GTF2F2: variants seen among roughly 807,000 people sequenced by gnomAD.
GTF2F2 encodes ATP-dependent helicase GTF2F2.
In GTF2F2, 23 loss-of-function variants were observed where a neutral mutation model predicts 42.2. That is an observed-to-expected ratio of 0.55 (90% CI 0.39 to 0.77). GTF2F2 has a LOEUF of 0.77. Ranked by LOEUF, GTF2F2 falls within the 30% of genes least tolerant of loss-of-function variation. The pLI is 0.00. For synonymous variants in GTF2F2, 105 were observed against 100.8 expected (o/e 1.04, Z -0.25); for missense variants, 261 against 287.2 (o/e 0.91, Z 0.66).
chr13:45,146,744 G>A (rs377150135), intron 2 of GTF2F2, among the ~76,000 whole-genome samples: 2 of 152,188 alleles, frequency 1.3e-5, no homozygotes, highest in Non-Finnish European at 2.9e-5. Context: ...TAGACTCAGA[G>A]TAGTAAAGGA....
intron 7 of GTF2F2, among the ~76,000 whole-genome samples, chr13:45,279,762 A>G (rs1877183827): frequency 6.6e-6 from 1 of 152,100 alleles, no homozygotes; most frequent in South Asian, 2.1e-4. Context: ...AAAATTAGCC[A>G]GGCGTGGTGT....
chr13:45,141,638 G>T, intron 2 of GTF2F2, among the ~76,000 whole-genome samples: 1 of 152,134 alleles, frequency 6.6e-6, no homozygotes, highest in East Asian at 1.9e-4. Context: ...TCCAACCAAA[G>T]TTCCTTACAA....
At chr13:45,136,844 A>G in intron 2 of GTF2F2, 38 bp downstream of exon 2, 2 of 1,089,210 alleles carry the variant, frequency 1.8e-6, no homozygotes, top group Non-Finnish European at 2.8e-6. Flanking sequence ...TTAAAAAGCT[A>G]TTTTTGAAAT....
chr13:45,284,665 G>A lies in GTF2F2; in HGVS notation c.*1104G>A, dbSNP rs1428471996. On this transcript the variant is annotated 3_prime_UTR_variant, in exon 8 of 8. Coordinates refer to ENST00000340473, the MANE Select transcript of GTF2F2 (RefSeq NM_004128.3). ...AGTAGCAAATGCCCAAGTTGCCATA[G>A]TGTTTGCAGGAAAAAAAGAGAAAAA... 1.3e-5 allele frequency: 2 copies of A among 152,010 alleles called. No homozygotes were observed. Among genetic ancestry groups the A allele is most frequent in the African/African-American group, 4.8e-5 (2 of 41,376 alleles). 9.4% of individuals were successfully genotyped at this position (152,010 alleles called of 1,614,324 possible).
intron 5 of GTF2F2, among the ~76,000 whole-genome samples, chr13:45,210,587 G>A (rs1316377629): frequency 2.6e-5 from 4 of 152,046 alleles, no homozygotes; most frequent in South Asian, 2.1e-4. Context: ...TGAAAACAAA[G>A]TTTGTTTTTT....
At chr13:45,149,689 T>G (rs543217699) in intron 2 of GTF2F2, 81 bp from the exon 3 acceptor site, 67 of 1,253,090 alleles carry the variant, frequency 5.3e-5, no homozygotes, top group African/African-American at 9.1e-5. Flanking sequence ...AAATATGAAG[T>G]TTTTTTTTAA....
At chr13:45,235,757 T>C (rs1029975636) in intron 5 of GTF2F2, among the ~76,000 whole-genome samples, 2 of 151,914 alleles carry the variant, frequency 1.3e-5, no homozygotes, top group Admixed American at 6.6e-5. Flanking sequence ...ACCTGGCTTT[T>C]ATTTTTTTTT....
At chr13:45,166,377 C>T (rs1029888739) in intron 4 of GTF2F2, among the ~76,000 whole-genome samples, 4 of 152,162 alleles carry the variant, frequency 2.6e-5, no homozygotes, top group South Asian at 2.1e-4. Flanking sequence ...AGATGCACTT[C>T]GTCAAGTCAT....
At position 45,267,262 on chromosome 13, in the gene GTF2F2, C is replaced by A. The variant is rs201450179; in HGVS notation, c.516C>A (p.Asp172Glu). 6.2e-7 allele frequency: 1 copy of A among 1,612,392 alleles called. No homozygotes were observed. The highest frequency in any genetic ancestry group is 1.3e-5 in the African/African-American group (1 of 74,814). The change falls in exon 7 of 8, where the codon GAC (aspartate) becomes GAA (glutamate). Residue 172 changes from aspartate to glutamate, a missense_variant. Transcript: ENST00000340473. ...NIEYERKKKE[D>E]GKRARADKQH... ...AATATGAAAGGAAAAAGAAAGAAGA[C>A]GGAAAGCGAGCTCGAGCTGATAAAC...
At chr13:45,205,756 G>A (rs1873387447) in intron 4 of GTF2F2, among the ~76,000 whole-genome samples, 2 of 152,152 alleles carry the variant, frequency 1.3e-5, no homozygotes, top group Admixed American at 1.3e-4. Context: ...CTGACCTCAT[G>A]ATCTGCCTGC....
At chr13:45,124,040 A>G in intron 1 of GTF2F2, 1 of 1,145,428 alleles carries the variant, frequency 8.7e-7, no homozygotes, top group Non-Finnish European at 1.3e-6. Context: ...GTGGGCCATG[A>G]GGTCCCCCAC....
intron 7 of GTF2F2, among the ~76,000 whole-genome samples, chr13:45,276,278 G>A (rs1335628865): frequency 6.6e-6 from 1 of 152,134 alleles, no homozygotes; most frequent in East Asian, 1.9e-4. Flanking sequence ...GTACATTTGG[G>A]TTGGACATTT....
At chr13:45,243,631 A>T (rs868029309) in intron 5 of GTF2F2, among the ~76,000 whole-genome samples, 3 of 151,818 alleles carry the variant, frequency 2.0e-5, no homozygotes, top group Admixed American at 6.6e-5. Context: ...GTTTTTTTTT[A>T]AATCCATTTT....
At chr13:45,123,581 A>C (rs1057070406) in intron 1 of GTF2F2, among the ~76,000 whole-genome samples, 1 of 151,544 alleles carries the variant, frequency 6.6e-6, no homozygotes, top group Non-Finnish European at 1.5e-5. Context: ...GTGAGCTGAG[A>C]TCACACCCCT....
chr13:45,227,888 G>C (rs577930476), intron 5 of GTF2F2, among the ~76,000 whole-genome samples: 134 of 152,260 alleles, frequency 8.8e-4, no homozygotes, highest in African/African-American at 3.0e-3. Context: ...TTTCTGGGGA[G>C]GTGATGGCCC....
chr13:45,128,678 C>T (rs886180121), intron 1 of GTF2F2, among the ~76,000 whole-genome samples: 2 of 151,932 alleles, frequency 1.3e-5, no homozygotes, highest in Admixed American at 6.6e-5. Context: ...ACTGTAGCCT[C>T]CAACTCCTGG....
chr13:45,137,978 A>G (rs1869718265), intron 2 of GTF2F2, among the ~76,000 whole-genome samples: 1 of 152,162 alleles, frequency 6.6e-6, no homozygotes, highest in African/African-American at 2.4e-5. Flanking sequence ...GTTCCTTTTC[A>G]TAATCGGCCA....
intron 4 of GTF2F2, among the ~76,000 whole-genome samples, chr13:45,189,146 T>G (rs553772311): frequency 6.6e-6 from 1 of 152,296 alleles, no homozygotes; most frequent in African/African-American, 2.4e-5. Context: ...AGTGAGAACA[T>G]GTGGTGTTTG....
intron 5 of GTF2F2, among the ~76,000 whole-genome samples, chr13:45,240,034 G>C (rs962549820): frequency 6.7e-6 from 1 of 150,222 alleles, no homozygotes; most frequent in Non-Finnish European, 1.5e-5. Flanking sequence ...GAGCTATTAG[G>C]TTGAATCTTA....
Sources: gnomAD v4.1 joint callset for allele counts (sites outside exome capture counted in the v4.1 genomes callset) on GRCh38, gnomAD v4.1.1 for gene constraint, MANE v1.5 for transcripts, NCBI Gene and HGNC (gene_info 2026-07-23, HGNC 2026-07-21) for gene names.